TESC: variants seen among roughly 807,000 people sequenced by gnomAD.
The protein encoded by TESC is calcineurin B homologous protein 3.
Under a neutral mutation model 31.0 loss-of-function variants are expected in TESC, and 19 were observed. That is an observed-to-expected ratio of 0.61 (90% CI 0.43 to 0.90). The LOEUF is 0.90. Among genes scored for constraint, TESC ranks in the 40% least tolerant of loss-of-function variants. The pLI is 0.00. For missense variants in TESC, 248 were observed against 303.8 expected, an observed-to-expected ratio of 0.82 and a Z score of 1.36; for synonymous variants, 109 against 114.8, an observed-to-expected ratio of 0.95 and a Z score of 0.32.
At chr12:117,073,321 T>A (rs1346240551) in intron 2 of TESC, among the ~76,000 whole-genome samples, 2 of 152,170 alleles carry the variant, frequency 1.3e-5, no homozygotes, top group African/African-American at 4.8e-5. Flanking sequence ...GCCAGGTGAC[T>A]CTTCCGCTGG....
At chr12:117,070,643 C>G (rs1160779865) in intron 2 of TESC, among the ~76,000 whole-genome samples, 2 of 152,146 alleles carry the variant, frequency 1.3e-5, no homozygotes, top group Non-Finnish European at 2.9e-5. Flanking sequence ...ACCCCAGCTC[C>G]TCCACTTATG....
intron 2 of TESC, among the ~76,000 whole-genome samples, chr12:117,060,292 G>A (rs1375587847): frequency 1.3e-5 from 2 of 152,160 alleles, no homozygotes; most frequent in Non-Finnish European, 2.9e-5. Context: ...GTGGTGAACC[G>A]CCCCAGAGTT....
intron 6 of TESC, 119 bp from the exon 7 acceptor site, chr12:117,042,113 G>A: frequency 3.0e-6 from 3 of 1,012,916 alleles, no homozygotes; most frequent in Non-Finnish European, 2.9e-6. Context: ...TGTTGAGGCT[G>A]TTTGGGAGGA....
At chr12:117,055,377 A>G (rs1954705525) in intron 3 of TESC, among the ~76,000 whole-genome samples, 1 of 152,118 alleles carries the variant, frequency 6.6e-6, no homozygotes. Flanking sequence ...TCCTGACCTC[A>G]AGTGATCTGC....
chr12:117,098,643 G>A (rs1195791501), intron 1 of TESC: 1 of 152,306 alleles, frequency 6.6e-6, no homozygotes, highest in Admixed American at 6.5e-5. Context: ...CTGGGCTCCG[G>A]GCAAAGTGCT....
chr12:117,044,170 A>C (rs964988279), intron 6 of TESC, among the ~76,000 whole-genome samples: 1 of 152,212 alleles, frequency 6.6e-6, no homozygotes, highest in African/African-American at 2.4e-5. Flanking sequence ...AGGCTGAGGT[A>C]GGAGGATGGC....
intron 6 of TESC, among the ~76,000 whole-genome samples, chr12:117,043,595 G>C (rs1479581232): frequency 6.6e-6 from 1 of 152,114 alleles, no homozygotes; most frequent in East Asian, 1.9e-4. Flanking sequence ...AAGTAGCTGG[G>C]ATTATTACAG....
chr12:117,051,813 C>T (rs11068304), intron 3 of TESC, among the ~76,000 whole-genome samples: 2 of 152,138 alleles, frequency 1.3e-5, no homozygotes, highest in Non-Finnish European at 2.9e-5. Context: ...CGAGTGCTCC[C>T]GCAGGTCTGA....
intron 3 of TESC, among the ~76,000 whole-genome samples, chr12:117,054,998 A>G (rs139978784): frequency 2.1e-3 from 316 of 152,184 alleles, no homozygotes; most frequent in African/African-American, 7.3e-3. Flanking sequence ...TTCACCTTAA[A>G]CAATACTGGA....
chr12:117,062,695 T>C (rs536801467), intron 2 of TESC, among the ~76,000 whole-genome samples: 7 of 152,134 alleles, frequency 4.6e-5, no homozygotes, highest in Non-Finnish European at 8.8e-5. Flanking sequence ...CGGCCTTGAG[T>C]CCAGCGCTTA....
rs917575780 is a variant in TESC at position 117,099,155 on chromosome 12, C to G, written c.58+70G>C. ...CAAGGTCACACAGCGCGGCGGCGGG[C>G]CGGGGTCCCCAACAGTGGCCGTTCG... is the stretch of plus-strand genomic sequence containing the variant. On this transcript the variant is annotated intron_variant, in intron 1 of 7. Coordinates refer to ENST00000335209, the MANE Select transcript of TESC (RefSeq NM_017899.4). The G allele has an allele frequency of 3.7e-5, 52 of 1,421,510 alleles. No individual in the cohort carries two copies. The African/African-American group carries it at 7.5e-4, about 21-fold the overall frequency. 88.1% of individuals were successfully genotyped at this position (1,421,510 alleles called of 1,614,324 possible). A position where few individuals can be genotyped will look rare whatever the true frequency, so the allele number is the denominator to read the frequency against.
intron 1 of TESC, among the ~76,000 whole-genome samples, chr12:117,082,443 G>C (rs915812878): frequency 2.0e-5 from 3 of 151,726 alleles, no homozygotes; most frequent in Admixed American, 6.6e-5. Context: ...GGCAGAGGTT[G>C]CAGTGAGCCA....
intron 1 of TESC, among the ~76,000 whole-genome samples, chr12:117,075,871 G>GTGTATATATATA (rs1955050222): frequency 2.2e-5 from 1 of 45,106 alleles, no homozygotes; most frequent in Non-Finnish European, 3.6e-5. Flanking sequence ...ATATATATAT[G>GTGTATATATATA]TGTGTATATA....
chr12:117,045,548 G>C (rs1954545370), intron 6 of TESC, among the ~76,000 whole-genome samples: 1 of 152,210 alleles, frequency 6.6e-6, no homozygotes, highest in Admixed American at 6.5e-5. Context: ...ACCCAAGCCA[G>C]AAGCTTCCCC....
At chr12:117,079,419 G>A (rs1018188175) in intron 1 of TESC, among the ~76,000 whole-genome samples, 15 of 152,160 alleles carry the variant, frequency 9.9e-5, no homozygotes, top group South Asian at 2.1e-4. Flanking sequence ...AAAACTAGCC[G>A]AGAGTGGTGG....
At chr12:117,065,233 G>A (rs1455795698) in intron 2 of TESC, among the ~76,000 whole-genome samples, 1 of 152,236 alleles carries the variant, frequency 6.6e-6, no homozygotes, top group African/African-American at 2.4e-5. Flanking sequence ...GGGAACCAGG[G>A]AGGAGGCTGT....
At chr12:117,084,593 G>T (rs749302181) in intron 1 of TESC, among the ~76,000 whole-genome samples, 6 of 152,212 alleles carry the variant, frequency 3.9e-5, no homozygotes, top group Non-Finnish European at 7.4e-5. Context: ...GCTGAGCAAG[G>T]CATCACCAGT....
At chr12:117,090,339 A>T (rs1197324135) in intron 1 of TESC, among the ~76,000 whole-genome samples, 1 of 152,250 alleles carries the variant, frequency 6.6e-6, no homozygotes, top group Non-Finnish European at 1.5e-5. Flanking sequence ...GATGGTGATT[A>T]AGTTTAGGCA....
At chr12:117,075,127 C>T (rs913246994) in intron 2 of TESC, 144 bp downstream of exon 2, 40 of 816,712 alleles carry the variant, frequency 4.9e-5, no homozygotes, top group Non-Finnish European at 5.9e-5. Flanking sequence ...GCCTGGGCGA[C>T]GGAGCGAGAC....
Sources: gnomAD v4.1 joint callset for allele counts (sites outside exome capture counted in the v4.1 genomes callset) on GRCh38, gnomAD v4.1.1 for gene constraint, MANE v1.5 for transcripts, NCBI Gene and HGNC (gene_info 2026-07-23, HGNC 2026-07-21) for gene names.